The following TOP2A variants were observed in gnomAD, a reference collection of about 807,000 sequenced individuals.
TOP2A encodes the protein DNA topoisomerase 2-alpha.
TOP2A carries 68 observed loss-of-function variants against 187.2 expected under a neutral mutation model. The observed-to-expected ratio is 0.36, with a 90% confidence interval of 0.30 to 0.44. TOP2A has a LOEUF of 0.44. TOP2A is among the 20% of genes least tolerant of loss of function. TOP2A has a pLI of 1.00. For synonymous variants in TOP2A, 542 were observed against 593.2 expected, an observed-to-expected ratio of 0.91 and a Z score of 1.25; for missense variants, 1,196 against 1,808.7, an observed-to-expected ratio of 0.66 and a Z score of 6.14.
intron 10 of TOP2A, chr17:40,410,144 A>G (rs2715548): frequency 1.9e-4 from 31 of 166,710 alleles, no homozygotes; most frequent in Middle Eastern, 5.3e-4. Context: ...GGATAAGCAA[A>G]AAGTTTGCTA....
In TOP2A at chr17:40,401,045, A is replaced by T. The variant is rs747824085; in HGVS notation, c.2469T>A (p.Asp823Glu). Reference protein sequence around the residue: ...LARLLFPPKDDHTLKFLYDDN... With the variant: ...LARLLFPPKDEHTLKFLYDDN... ...CATCATATAAAAACTTCAACGTGTG[A>T]TCATCTTTTGGTGGAAATAACAATC... Residue 823 changes from aspartate to glutamate, a missense_variant, in exon 21 of 35, where the codon GAT becomes GAA. By Grantham distance (45) the Asp-to-Glu change is conservative. Around this residue, in one of 10 missense-constraint regions of TOP2A, gnomAD observed 209 missense variants for 376.9 expected, o/e 0.55. Coordinates refer to ENST00000423485, the MANE Select transcript of TOP2A (RefSeq NM_001067.4). The T allele has an allele frequency of 6.2e-7, 1 of 1,613,884 alleles. No homozygotes were observed. The highest frequency in any genetic ancestry group is 1.1e-5 in the South Asian group (1 of 91,046).
intron 19 of TOP2A, among the ~76,000 whole-genome samples, chr17:40,403,603 A>G (rs1247544662): frequency 1.3e-5 from 2 of 152,262 alleles, no homozygotes; most frequent in East Asian, 3.8e-4. Context: ...ACTGTTTTAC[A>G]TAATTAATGC....
intron 1 of TOP2A, 29 bp from the exon 2 acceptor site, chr17:40,416,924 A>AG: frequency 6.4e-7 from 1 of 1,556,388 alleles, no homozygotes; most frequent in Non-Finnish European, 8.7e-7. Flanking sequence ...GAGAGAAAGA[A>AG]GGGAATTTTT....
chr17:40,398,160 C>T (rs1204069063), intron 27 of TOP2A, among the ~76,000 whole-genome samples: 1 of 134,022 alleles, frequency 7.5e-6, no homozygotes, highest in African/African-American at 2.9e-5. Flanking sequence ...GTTGCCTAGG[C>T]TGGAGTGCAG....
Position 40,392,248 on chromosome 17 carries a change from G to C in TOP2A, c.4058C>G (p.Ala1353Gly), listed in dbSNP as rs2035032157. Reference sequence around the variant, plus strand: ...GGAAGTTTTGGTCTTAGGTGGACTAGCATCTGATGGGACAAAATCTTCATC... The same window carrying C: ...GGAAGTTTTGGTCTTAGGTGGACTACCATCTGATGGGACAAAATCTTCATC... ...TDDEDFVPSD[A>G]SPPKTKTSPK... Residue 1353 changes from alanine to glycine, a missense_variant, in exon 31 of 35, where the codon GCT becomes GGT. Ala to Gly is a moderately conservative substitution (Grantham distance 60). This residue lies in a region of TOP2A where 374 missense variants were observed against 403.3 expected (regional missense o/e 0.93). Transcript: ENST00000423485. 1 of 1,613,248 alleles carries C rather than the reference G, an allele frequency of 6.2e-7. No homozygotes were observed. The highest frequency in any genetic ancestry group is 2.2e-5 in the East Asian group (1 of 44,850).
intron 18 of TOP2A, 27 bp downstream of exon 18, chr17:40,404,350 A>T (rs765650277): frequency 3.7e-6 from 6 of 1,605,284 alleles, no homozygotes; most frequent in Admixed American, 1.7e-5. Flanking sequence ...TCTTACAATG[A>T]AAACAGACTA....
Position 40,396,278 on chromosome 17 carries a change from A to G in TOP2A, c.3720+5T>C. The G allele has an allele frequency of 6.7e-7, 1 of 1,493,846 alleles. No individual in the cohort carries two copies. 92.5% of individuals were successfully genotyped at this position (1,493,846 alleles called of 1,614,324 possible). A position where few individuals can be genotyped will look rare whatever the true frequency, so the allele number is the denominator to read the frequency against. On this transcript the variant is annotated splice_donor_5th_base_variant and intron_variant, in intron 28 of 34. Transcript: ENST00000423485. ...TATAGGTGTGAGCCACCACAAGAGT[A>G]TTACCTTAATTTTCTTTTTATTTTT...
At chr17:40,405,443 G>A (rs887546511) in intron 16 of TOP2A, among the ~76,000 whole-genome samples, 15 of 141,248 alleles carry the variant, frequency 1.1e-4, no homozygotes, top group Admixed American at 8.1e-4. Flanking sequence ...GAGCCACTGC[G>A]CCCGACCTTT....
chr17:40,412,701 G>T, intron 7 of TOP2A, 58 bp downstream of exon 7: 1 of 1,400,650 alleles, frequency 7.1e-7, no homozygotes, highest in Non-Finnish European at 1.0e-6. Context: ...ATTCAATTTT[G>T]CACTTGACAA....
At chr17:40,403,901 T>C (rs535711970) in intron 19 of TOP2A, among the ~76,000 whole-genome samples, 2 of 152,336 alleles carry the variant, frequency 1.3e-5, no homozygotes, top group South Asian at 4.1e-4. Context: ...AGGTCTAAAT[T>C]TTGACATCAC....
chr17:40,407,705 G>A (rs778373252), intron 12 of TOP2A, 31 bp from the exon 13 acceptor site: 7 of 1,535,324 alleles, frequency 4.6e-6, no homozygotes, highest in East Asian at 4.6e-5. Context: ...AAAAAGCATC[G>A]TTTATAAATT....
At chr17:40,404,003 G>C in intron 19 of TOP2A, 149 bp downstream of exon 19, 1 of 996,988 alleles carries the variant, frequency 1.0e-6, no homozygotes, top group Non-Finnish European at 1.4e-6. Flanking sequence ...AGAAATCAAA[G>C]GGCAAGCAGT....
intron 4 of TOP2A, 140 bp downstream of exon 4, chr17:40,415,865 T>C (rs1009993165): frequency 3.3e-6 from 2 of 604,700 alleles, no homozygotes; most frequent in African/African-American, 3.7e-5. Context: ...TGGGTATCCA[T>C]AGGTTTTTCA....
At chr17:40,398,036 C>A (rs34667733) in intron 27 of TOP2A, among the ~76,000 whole-genome samples, 14,261 of 151,884 alleles carry the variant, frequency 0.094, 2,214 homozygotes, top group African/African-American at 0.32. Flanking sequence ...CTTCGGCCTC[C>A]CAAAGTGCTG....
intron 31 of TOP2A, 33 bp downstream of exon 31, chr17:40,392,185 C>A (rs775428093): frequency 6.2e-7 from 1 of 1,612,012 alleles, no homozygotes; most frequent in South Asian, 1.1e-5. Context: ...TAGAAACAAT[C>A]ATGACAAAAC....
At chr17:40,403,293 T>C (rs2035203315) in intron 19 of TOP2A, among the ~76,000 whole-genome samples, 1 of 152,238 alleles carries the variant, frequency 6.6e-6, no homozygotes, top group Non-Finnish European at 1.5e-5. Flanking sequence ...CTTCTCCTTA[T>C]CCTCAGCAAA....
intron 17 of TOP2A, 94 bp from the exon 18 acceptor site, chr17:40,404,585 C>G: frequency 2.6e-6 from 2 of 779,404 alleles, no homozygotes; most frequent in Non-Finnish European, 4.2e-6. Context: ...AGAATTATTT[C>G]TGTAATTCTT....
Position 40,388,876 on chromosome 17 carries a change from C to T in TOP2A, c.*643G>A, listed in dbSNP as rs544343428. On this transcript the variant is annotated 3_prime_UTR_variant, in exon 35 of 35. Transcript: ENST00000423485. Reference sequence around the variant, plus strand: ...GTCAAGAGCTGAAATAATCACATAACTACTCTAATTTTCTTCATTCTATTG... The same window carrying T: ...GTCAAGAGCTGAAATAATCACATAATTACTCTAATTTTCTTCATTCTATTG... 2 of 201,470 alleles carry T rather than the reference C, an allele frequency of 9.9e-6. No individual in the cohort carries two copies. Among genetic ancestry groups the T allele is most frequent in the East Asian group, 7.7e-5 (1 of 13,040 alleles). 12.5% of individuals were successfully genotyped at this position (201,470 alleles called of 1,614,324 possible).
At chr17:40,399,291 T>C (rs1167613062) in intron 24 of TOP2A, 160 bp from the exon 25 acceptor site, 5 of 607,556 alleles carry the variant, frequency 8.2e-6, no homozygotes, top group African/African-American at 5.6e-5. Flanking sequence ...CCCTAAACCA[T>C]TGACAAATGT....
Sources: allele counts gnomAD v4.1 joint callset (sites outside exome capture counted in the v4.1 genomes callset), GRCh38; gene constraint gnomAD v4.1.1; regional missense constraint gnomAD v4.1.1; transcripts MANE v1.5; gene names NCBI Gene and HGNC (gene_info 2026-07-23, HGNC 2026-07-21).